The following CUX2 variants were observed in gnomAD, a reference collection of about 807,000 sequenced individuals.
The protein encoded by CUX2 is homeobox protein cut-like 2.
In CUX2, 40 loss-of-function variants were observed where a neutral mutation model predicts 144.8. The ratio of observed to expected loss-of-function variants is 0.28; its 90% CI spans 0.21 to 0.36. The LOEUF is 0.36. CUX2 is among the 10% of genes least tolerant of loss of function. The probability of loss-of-function intolerance (pLI) is 1.00; values close to 1 mark genes in which losing one functional copy is unlikely to be tolerated. For synonymous variants in CUX2, 827 were observed against 875.6 expected, an observed-to-expected ratio of 0.94 and a Z score of 0.98; for missense variants, 1,615 against 1,994.0, an observed-to-expected ratio of 0.81 and a Z score of 3.62.
chr12:111,246,004 T>C lies in CUX2; in HGVS notation c.223-17757T>C, dbSNP rs1229710121. ...GTGGCCTGTACCCCGCTCAGGCAGATTAAAGCAGTCTGGTCTTGCAGCTCA... is the reference window on the plus strand; with the variant it reads ...GTGGCCTGTACCCCGCTCAGGCAGACTAAAGCAGTCTGGTCTTGCAGCTCA... On this transcript the variant is annotated intron_variant, in intron 3 of 21. Transcript: ENST00000261726. This position sits in a 1 kb window ranked among gnomAD's most constrained non-coding sequence, Gnocchi z 4.0. Among the ~76,000 whole-genome samples, 2 of 152,106 alleles carry C rather than the reference T, an allele frequency of 1.3e-5. No homozygotes were observed. Among genetic ancestry groups the C allele is most frequent in the Non-Finnish European group, 2.9e-5 (2 of 68,006 alleles).
At chr12:111,264,866 A>C (rs1449481020) in intron 4 of CUX2, among the ~76,000 whole-genome samples, 1 of 150,546 alleles carries the variant, frequency 6.6e-6, no homozygotes, top group African/African-American at 2.5e-5. Flanking sequence ...CATTTACATG[A>C]AACATCCAGA....
intron 9 of CUX2, among the ~76,000 whole-genome samples, chr12:111,299,954 C>CTACA (rs1592936445): frequency 6.6e-6 from 1 of 152,214 alleles, no homozygotes; most frequent in Non-Finnish European, 1.5e-5. Flanking sequence ...TCATGGCTCA[C>CTACA]TGTAGCCTTG....
At position 111,312,287 on chromosome 12, in the gene CUX2, C is replaced by G; in HGVS notation, c.2002+86C>G. On this transcript the variant is annotated intron_variant, in intron 16 of 21. Transcript: ENST00000261726. The surrounding 1 kb of genome is among the most constrained non-coding windows in gnomAD (Gnocchi z 4.3). ...GAGGCTTCGTCTACCTTTGTCCACCCCAGAGGGAATCCAAGGTGGATCAGA... is the reference window on the plus strand; with the variant it reads ...GAGGCTTCGTCTACCTTTGTCCACCGCAGAGGGAATCCAAGGTGGATCAGA... 1 of 1,223,640 alleles carries G rather than the reference C, an allele frequency of 8.2e-7. No homozygotes were observed. The highest frequency in any genetic ancestry group is 1.2e-6 in the Non-Finnish European group (1 of 867,040). The allele number at this position is 1,223,640 out of a possible 1,614,324, so 75.8% of individuals were successfully genotyped here. A position where few individuals can be genotyped will look rare whatever the true frequency, so the allele number is the denominator to read the frequency against.
chr12:111,188,748 C>T (rs1879705001), intron 1 of CUX2, among the ~76,000 whole-genome samples: 1 of 152,108 alleles, frequency 6.6e-6, no homozygotes, highest in Admixed American at 6.5e-5. Context: ...AGTCACCCCT[C>T]TTGTCACGGC....
chr12:111,091,928 G>A lies in CUX2; in HGVS notation c.63+57688G>A, dbSNP rs114548381. ...CTAGATTTAGGGCCCACCCTAATCC[G>A]ATATGCTCTCATCTTAACATAACTG... On this transcript the variant is annotated intron_variant, in intron 1 of 21. Coordinates refer to ENST00000261726, the MANE Select transcript of CUX2 (RefSeq NM_015267.4). Among the ~76,000 whole-genome samples, 1,001 of 152,300 alleles carry A rather than the reference G, an allele frequency of 6.6e-3. 13 individuals are homozygous for A. Among genetic ancestry groups the A allele is most frequent in the African/African-American group, 0.019 (787 of 41,562 alleles).
intron 1 of CUX2, among the ~76,000 whole-genome samples, chr12:111,125,314 G>T (rs1874989344): frequency 6.6e-6 from 1 of 151,936 alleles, no homozygotes; most frequent in Admixed American, 6.6e-5. Context: ...TGAGTAGCTG[G>T]GACTCCAGGC....
chr12:111,233,257 A>T (rs772322589), intron 3 of CUX2, among the ~76,000 whole-genome samples: 11 of 152,244 alleles, frequency 7.2e-5, no homozygotes, highest in Non-Finnish European at 1.6e-4. Flanking sequence ...ATCTTGAGCC[A>T]GGTGTCTCTG....
intron 1 of CUX2, among the ~76,000 whole-genome samples, chr12:111,063,059 C>G (rs998833622): frequency 6.6e-6 from 1 of 152,054 alleles, no homozygotes; most frequent in Non-Finnish European, 1.5e-5. Flanking sequence ...GGACAGAGAG[C>G]CTGGGCTGGG....
In CUX2 at chr12:111,184,351, A is replaced by G. The variant is rs576173640; in HGVS notation, c.64-29849A>G. On this transcript the variant is annotated intron_variant, in intron 1 of 21. Coordinates refer to ENST00000261726, the MANE Select transcript of CUX2 (RefSeq NM_015267.4). Reference sequence around the variant, plus strand: ...CAAGGTGGGGACTGGAAGTAAACTAAGTGTCTATGAGTGGGGAATTGGAAG... The same window carrying G: ...CAAGGTGGGGACTGGAAGTAAACTAGGTGTCTATGAGTGGGGAATTGGAAG... 1.1e-4 allele frequency among the ~76,000 whole-genome samples: 16 copies of G among 152,196 alleles called. No homozygotes were observed. The South Asian group carries it at 3.3e-3, about 32-fold the overall frequency.
At chr12:111,338,756 A>T (rs1255448538) in intron 20 of CUX2, among the ~76,000 whole-genome samples, 1 of 151,764 alleles carries the variant, frequency 6.6e-6, no homozygotes, top group Non-Finnish European at 1.5e-5. Context: ...ATCACTTGGG[A>T]GGCTAAGGCA....
chr12:111,146,923 C>A (rs1213179790), intron 1 of CUX2, among the ~76,000 whole-genome samples: 1 of 152,134 alleles, frequency 6.6e-6, no homozygotes, highest in African/African-American at 2.4e-5. Context: ...CACTTAAGGT[C>A]AGGAGTTCGA....
chr12:111,231,727 T>A (rs1241838606), intron 3 of CUX2, among the ~76,000 whole-genome samples: 2 of 152,348 alleles, frequency 1.3e-5, no homozygotes, highest in South Asian at 4.1e-4. Context: ...TTAAAAATAA[T>A]ATAAATTTTA....
At chr12:111,313,844 C>A (rs991680366) in intron 16 of CUX2, among the ~76,000 whole-genome samples, 6 of 152,176 alleles carry the variant, frequency 3.9e-5, no homozygotes, top group African/African-American at 1.4e-4. Flanking sequence ...GGGCTTCTTG[C>A]AGCCAGGGAC....
At chr12:111,292,600 T>TA (rs1279329278) in intron 5 of CUX2, among the ~76,000 whole-genome samples, 5 of 150,866 alleles carry the variant, frequency 3.3e-5, no homozygotes, top group Non-Finnish European at 7.4e-5. Flanking sequence ...AAAAAATAAA[T>TA]AAAAAGAAAA....
chr12:111,215,981 C>G (rs1247995920), intron 2 of CUX2, among the ~76,000 whole-genome samples: 1 of 152,212 alleles, frequency 6.6e-6, no homozygotes, highest in Admixed American at 6.5e-5. Context: ...TGAAAATTCT[C>G]CTTTTTGGAG....
chr12:111,348,730 C>G lies in CUX2; in HGVS notation c.*405C>G, dbSNP rs192763882. On this transcript the variant is annotated 3_prime_UTR_variant, in exon 22 of 22. Coordinates refer to ENST00000261726, the MANE Select transcript of CUX2 (RefSeq NM_015267.4). Reference sequence around the variant, plus strand: ...TTGATATTACAGAGAGTTATAAAATCAGGATGCTGTCACAACTGTTGCGAA... The same window carrying G: ...TTGATATTACAGAGAGTTATAAAATGAGGATGCTGTCACAACTGTTGCGAA... The G allele has an allele frequency of 1.2e-3, 200 of 170,488 alleles. 2 individuals are homozygous for G. Among genetic ancestry groups the G allele is most frequent in the African/African-American group, 4.5e-3 (190 of 41,938 alleles). 10.6% of individuals were successfully genotyped at this position (170,488 alleles called of 1,614,324 possible). A position where few individuals can be genotyped will look rare whatever the true frequency, so the allele number is the denominator to read the frequency against.
chr12:111,167,214 CCT>C (rs1275440936), intron 1 of CUX2, among the ~76,000 whole-genome samples: 1 of 152,180 alleles, frequency 6.6e-6, no homozygotes, highest in Non-Finnish European at 1.5e-5. Flanking sequence ...AGCACCATCC[CCT>C]GTCCCCACAG....
intron 18 of CUX2, among the ~76,000 whole-genome samples, chr12:111,328,614 GTGT>G (rs1887931902): frequency 6.6e-6 from 1 of 151,528 alleles, no homozygotes; most frequent in African/African-American, 2.4e-5. Flanking sequence ...GTGTGTGTGT[GTGT>G]GTGACAGAGT....
chr12:111,076,696 C>G (rs1412873402), intron 1 of CUX2, among the ~76,000 whole-genome samples: 1 of 152,158 alleles, frequency 6.6e-6, no homozygotes, highest in Non-Finnish European at 1.5e-5. Flanking sequence ...CAGCCCTGCT[C>G]GAGAGTCTTA....
Sources: gnomAD v4.1 joint callset for allele counts (sites outside exome capture counted in the v4.1 genomes callset) on GRCh38, gnomAD v4.1.1 for gene constraint, Gnocchi (gnomAD v3.1) non-coding constraint, MANE v1.5 for transcripts, NCBI Gene and HGNC (gene_info 2026-07-23, HGNC 2026-07-21) for gene names.